Variants in NR3C2 observed in about 807,000 individuals in gnomAD.
NR3C2 encodes nuclear receptor subfamily 3 group C member 2.
A neutral mutation model predicts 86.4 loss-of-function variants in NR3C2; 15 were observed. The observed-to-expected ratio is 0.17, with a 90% confidence interval of 0.12 to 0.27. NR3C2 has a LOEUF of 0.27. Ranked by LOEUF, NR3C2 falls within the 10% of genes least tolerant of loss-of-function variation. The probability of loss-of-function intolerance (pLI) is 1.00; values close to 1 mark genes in which losing one functional copy is unlikely to be tolerated. For missense variants in NR3C2, 960 were observed against 1,195.6 expected (o/e 0.80, Z 2.91); for synonymous variants, 458 against 450.5 (o/e 1.02, Z -0.21).
chr4:148,399,058 T>C (rs1056005700), intron 2 of NR3C2, among the ~76,000 whole-genome samples: 6 of 152,218 alleles, frequency 3.9e-5, no homozygotes, highest in Non-Finnish European at 8.8e-5. Flanking sequence ...TTGTAAACTA[T>C]GTCCTGGTTA....
At position 148,192,474 on chromosome 4, in the gene NR3C2, CA is replaced by C. The variant is rs556171073; in HGVS notation, c.2014+2271del. 3.9e-4 allele frequency among the ~76,000 whole-genome samples: 59 copies of C among 152,288 alleles called. 1 individual carries two copies. In the East Asian group the frequency reaches 9.9e-3, roughly 25 times the overall value. On this transcript the variant is annotated intron_variant, in intron 4 of 8. Transcript: ENST00000358102. ...TGGTTGGCCTCCTGCCAGGAAGTGG[CA>C]ATTTCCAGAAAGCATCAGTTGTAGT...
intron 2 of NR3C2, among the ~76,000 whole-genome samples, chr4:148,286,651 C>T (rs1393557298): frequency 6.6e-6 from 1 of 152,262 alleles, no homozygotes; most frequent in Non-Finnish European, 1.5e-5. Context: ...AGAAATCATA[C>T]AACTTTCAGG....
intron 8 of NR3C2, among the ~76,000 whole-genome samples, chr4:148,107,253 C>T (rs1483897502): frequency 1.3e-5 from 2 of 152,220 alleles, no homozygotes; most frequent in African/African-American, 4.8e-5. Flanking sequence ...AAAAGCTCAT[C>T]ATCACTGCTC....
At chr4:148,342,299 G>A (rs1441923494) in intron 2 of NR3C2, among the ~76,000 whole-genome samples, 1 of 151,792 alleles carries the variant, frequency 6.6e-6, no homozygotes, top group African/African-American at 2.4e-5. Flanking sequence ...ACAGAATCAC[G>A]GCCCTATGTT....
At chr4:148,136,572 G>A (rs938257326) in intron 6 of NR3C2, among the ~76,000 whole-genome samples, 1 of 152,190 alleles carries the variant, frequency 6.6e-6, no homozygotes, top group South Asian at 2.1e-4. Context: ...CTAACCCTCT[G>A]GGAGGACAGC....
chr4:148,365,753 T>TTAC (rs1746082647), intron 2 of NR3C2, among the ~76,000 whole-genome samples: 2 of 29,440 alleles, frequency 6.8e-5, no homozygotes, highest in African/African-American at 3.5e-4. Flanking sequence ...AGTCACAGTT[T>TTAC]TTCTTATTAA....
intron 6 of NR3C2, among the ~76,000 whole-genome samples, chr4:148,128,439 T>C (rs1468965383): frequency 6.6e-6 from 1 of 152,190 alleles, no homozygotes; most frequent in African/African-American, 2.4e-5. Flanking sequence ...GAAGTAGATA[T>C]TTGACAAGCC....
At chr4:148,313,748 C>T (rs114900153) in intron 2 of NR3C2, among the ~76,000 whole-genome samples, 3,282 of 152,278 alleles carry the variant, frequency 0.022, 112 homozygotes, top group African/African-American at 0.075. Context: ...ACCTTACTTA[C>T]TACAGCCTGG....
intron 6 of NR3C2, among the ~76,000 whole-genome samples, chr4:148,140,206 T>C (rs985685661): frequency 1.3e-5 from 2 of 152,152 alleles, no homozygotes; most frequent in Non-Finnish European, 2.9e-5. Flanking sequence ...AAATTTTCAA[T>C]AAAGAAATCT....
chr4:148,324,151 A>T (rs1326323623), intron 2 of NR3C2, among the ~76,000 whole-genome samples: 1 of 152,188 alleles, frequency 6.6e-6, no homozygotes, highest in Non-Finnish European at 1.5e-5. Context: ...GAGAAAGACT[A>T]TACATCCTTA....
intron 3 of NR3C2, among the ~76,000 whole-genome samples, chr4:148,200,359 C>G (rs957865845): frequency 6.6e-6 from 1 of 151,794 alleles, no homozygotes; most frequent in Non-Finnish European, 1.5e-5. Context: ...ACCCCCCACA[C>G]AGCCCCCTTC....
Position 148,435,853 on chromosome 4 carries a change from A to G in NR3C2, c.1008T>C (p.Pro336=). 1 of 1,614,222 alleles carries G rather than the reference A, an allele frequency of 6.2e-7. No homozygotes were observed. The highest frequency in any genetic ancestry group is 1.7e-5 in the Admixed American group (1 of 60,030). Residue 336 remains proline, a synonymous_variant, in exon 2 of 9, where the codon CCT becomes CCC. Transcript: ENST00000358102. ...CAGTGTAGCTGAAGGCATTGTTTAC[A>G]GGGCTACAGATAGATCCCACAGTAC... The part of the protein sequence containing the change: ...AASTVGSICS[P]VNNAFSYTAS...
intron 4 of NR3C2, among the ~76,000 whole-genome samples, chr4:148,176,883 A>C (rs986549073): frequency 3.3e-5 from 5 of 152,252 alleles, no homozygotes; most frequent in African/African-American, 1.2e-4. Flanking sequence ...TTATATGATA[A>C]CAATATACGC....
chr4:148,169,566 A>G (rs1735033499), intron 4 of NR3C2, among the ~76,000 whole-genome samples: 1 of 151,820 alleles, frequency 6.6e-6, no homozygotes, highest in South Asian at 2.1e-4. Flanking sequence ...ATCCTCAACT[A>G]TGCTTTAATT....
At chr4:148,441,073 A>G (rs2126670073) in intron 1 of NR3C2, among the ~76,000 whole-genome samples, 1 of 152,332 alleles carries the variant, frequency 6.6e-6, no homozygotes, top group Non-Finnish European at 1.5e-5. Flanking sequence ...GATGAGGTAA[A>G]TGATAGAAAT....
chr4:148,097,589 A>G (rs1273769014), intron 8 of NR3C2, among the ~76,000 whole-genome samples: 1 of 152,320 alleles, frequency 6.6e-6, no homozygotes, highest in East Asian at 1.9e-4. Flanking sequence ...ATCTCTTGAC[A>G]CTAGAATCAA....
chr4:148,309,424 A>G (rs1561032702), intron 2 of NR3C2, among the ~76,000 whole-genome samples: 1 of 152,220 alleles, frequency 6.6e-6, no homozygotes, highest in African/African-American at 2.4e-5. Context: ...CAGTGTTTTT[A>G]TGAATAGAAT....
chr4:148,174,474 C>G (rs1735275998), intron 4 of NR3C2, among the ~76,000 whole-genome samples: 1 of 152,186 alleles, frequency 6.6e-6, no homozygotes, highest in Non-Finnish European at 1.5e-5. Context: ...GTGAACACAT[C>G]TACTTGGGGG....
At chr4:148,440,450 TAAAGAA>T (rs2126668178) in intron 1 of NR3C2, among the ~76,000 whole-genome samples, 1 of 152,308 alleles carries the variant, frequency 6.6e-6, no homozygotes, top group Non-Finnish European at 1.5e-5. Flanking sequence ...ATCTAGAGGA[TAAAGAA>T]AAAGTTTATG....
Sources: gnomAD v4.1 joint callset for allele counts (sites outside exome capture counted in the v4.1 genomes callset) on GRCh38, gnomAD v4.1.1 for gene constraint, MANE v1.5 for transcripts, NCBI Gene and HGNC (gene_info 2026-07-23, HGNC 2026-07-21) for gene names.